Variants in DNAH11 observed in about 807,000 individuals in gnomAD.
DNAH11 encodes the protein dynein axonemal heavy chain 11, also known as axonemal beta dynein heavy chain 11.
Under a neutral mutation model 526.0 loss-of-function variants are expected in DNAH11, and 442 were observed. The ratio of observed to expected loss-of-function variants is 0.84; its 90% CI spans 0.78 to 0.91. The LOEUF (loss-of-function observed/expected upper bound fraction) is 0.91, where lower values mean the gene tolerates loss of function less well. Among genes scored for constraint, DNAH11 ranks in the 40% least tolerant of loss-of-function variants. The pLI is 0.00. For synonymous variants in DNAH11, 2,461 were observed against 1,935.9 expected, an observed-to-expected ratio of 1.27 and a Z score of -7.12; for missense variants, 6,989 against 5,448.7, an observed-to-expected ratio of 1.28 and a Z score of -8.90.
In DNAH11 at chr7:21,639,072, T is replaced by C. The variant is rs1787002901; in HGVS notation, c.4944+7T>C. ...AGGAGCTCAGCCTAAACAGGTAATA[T>C]TTTTTTTGAAAGTCTCGTATTATAC... On this transcript the variant is annotated splice_region_variant and intron_variant, in intron 28 of 81. Coordinates refer to ENST00000409508, the MANE Select transcript of DNAH11 (RefSeq NM_001277115.2). The C allele has an allele frequency of 2.5e-6, 4 of 1,578,748 alleles. No individual in the cohort carries two copies. Among genetic ancestry groups the C allele is most frequent in the Non-Finnish European group, 3.4e-6 (4 of 1,162,388 alleles).
intron 62 of DNAH11, among the ~76,000 whole-genome samples, chr7:21,805,629 C>T (rs796117975): frequency 2.4e-4 from 37 of 152,260 alleles, no homozygotes; most frequent in African/African-American, 7.5e-4. Context: ...TATAATTAGA[C>T]TGTTTTCCGG....
chr7:21,543,623 GC>G, intron 1 of DNAH11, 27 bp downstream of exon 1: 1 of 1,560,510 alleles, frequency 6.4e-7, no homozygotes. Flanking sequence ...AAGGGGACCT[GC>G]CCATCCAACA....
chr7:21,637,868 A>G (rs1786941585), intron 27 of DNAH11, among the ~76,000 whole-genome samples, 166 bp downstream of exon 27: 1 of 152,162 alleles, frequency 6.6e-6, no homozygotes, highest in African/African-American at 2.4e-5. Context: ...GACATGGAAC[A>G]TATATATAGT....
Position 21,543,240 on chromosome 7 carries a change from T to G in DNAH11, c.-6T>G. ...CCGGCCTCGCGTTCCCTCGGACGGTTGCCCAATGGCAGCCCAGGTGGCAGC... is the reference window on the plus strand; with the variant it reads ...CCGGCCTCGCGTTCCCTCGGACGGTGGCCCAATGGCAGCCCAGGTGGCAGC... On this transcript the variant is annotated 5_prime_UTR_variant, in exon 1 of 82. Transcript: ENST00000409508. 1 of 1,526,886 alleles carries G rather than the reference T, an allele frequency of 6.5e-7. No homozygotes were observed. Among genetic ancestry groups the G allele is most frequent in the Non-Finnish European group, 8.8e-7 (1 of 1,136,638 alleles). The allele number at this position is 1,526,886 out of a possible 1,614,324, so 94.6% of individuals were successfully genotyped here.
chr7:21,574,036 T>A (rs1447942589), intron 8 of DNAH11, among the ~76,000 whole-genome samples: 1 of 152,238 alleles, frequency 6.6e-6, no homozygotes, highest in Non-Finnish European at 1.5e-5. Context: ...GGGGATTTTA[T>A]CAGGTGTGCC....
chr7:21,564,238 C>T lies in DNAH11; in HGVS notation c.1035C>T (p.His345=), dbSNP rs139391790. Residue 345 remains histidine, a synonymous_variant, in exon 6 of 82, where the codon CAC becomes CAT. Transcript: ENST00000409508. ...VELYLRPLRR[H]IQCLQETEFP... ...TTTACCTGAGACCTCTGAGGAGACA[C>T]ATCCAGTGTCTCCAGGAGACGGAAT... The T allele has an allele frequency of 4.6e-5, 75 of 1,613,120 alleles. 1 individual carries two copies. The East Asian group carries it at 1.6e-3, about 35-fold the overall frequency.
In DNAH11 at chr7:21,836,627, A is replaced by G. The variant is rs573702743; in HGVS notation, c.10692-5917A>G. Among the ~76,000 whole-genome samples the G allele has an allele frequency of 4.6e-5, 7 of 152,188 alleles. No homozygotes were observed. The East Asian group carries it at 1.3e-3, about 29-fold the overall frequency. On this transcript the variant is annotated intron_variant, in intron 65 of 81. Transcript: ENST00000409508. ...TGAAAGACTTAAATGTAATACCTGAAACTATAAAACTACTAGAAGAAAACA... is the reference window on the plus strand; with the variant it reads ...TGAAAGACTTAAATGTAATACCTGAGACTATAAAACTACTAGAAGAAAACA...
intron 54 of DNAH11, among the ~76,000 whole-genome samples, chr7:21,752,711 ATTTAC>A (rs927302382): frequency 1.7e-4 from 26 of 151,474 alleles, no homozygotes; most frequent in African/African-American, 6.1e-4. Flanking sequence ...ATTTTTATTT[ATTTAC>A]TTATTTATCT....
intron 13 of DNAH11, 46 bp downstream of exon 13, chr7:21,591,068 T>C (rs1784658325): frequency 7.3e-7 from 1 of 1,378,696 alleles, no homozygotes; most frequent in Non-Finnish European, 9.5e-7. Flanking sequence ...CTATTATGAA[T>C]ATAAATATTT....
At chr7:21,849,588 A>G (rs76688711) in intron 66 of DNAH11, among the ~76,000 whole-genome samples, 3,058 of 152,318 alleles carry the variant, frequency 0.02, 120 homozygotes, top group African/African-American at 0.069. Flanking sequence ...ATAAGATACA[A>G]AATTATTTGT....
chr7:21,561,850 AATAG>A (rs1783471929), intron 5 of DNAH11, among the ~76,000 whole-genome samples: 2 of 152,236 alleles, frequency 1.3e-5, no homozygotes, highest in Non-Finnish European at 2.9e-5. Context: ...TAAATAATAA[AATAG>A]ATAATATGGA....
At chr7:21,731,599 A>C (rs1358337600) in intron 45 of DNAH11, among the ~76,000 whole-genome samples, 1 of 152,226 alleles carries the variant, frequency 6.6e-6, no homozygotes, top group Non-Finnish European at 1.5e-5. Context: ...AAGTTCAAAC[A>C]AAAAAGCAAA....
At chr7:21,786,389 T>C (rs978331675) in intron 58 of DNAH11, among the ~76,000 whole-genome samples, 4 of 152,100 alleles carry the variant, frequency 2.6e-5, no homozygotes, top group Non-Finnish European at 4.4e-5. Context: ...AGATCATTTT[T>C]CTTGAAGGCA....
At chr7:21,607,995 T>C in intron 20 of DNAH11, among the ~76,000 whole-genome samples, 1 of 150,232 alleles carries the variant, frequency 6.7e-6, no homozygotes. Context: ...TGCAGATTTC[T>C]GTTAGTAAGT....
At chr7:21,732,594 T>G (rs1159937229) in intron 45 of DNAH11, among the ~76,000 whole-genome samples, 1 of 152,114 alleles carries the variant, frequency 6.6e-6, no homozygotes, top group Non-Finnish European at 1.5e-5. Context: ...ACATAGAAAT[T>G]TGAGGAGGAG....
intron 25 of DNAH11, among the ~76,000 whole-genome samples, chr7:21,632,556 A>G (rs1238225905): frequency 6.6e-6 from 1 of 152,174 alleles, no homozygotes; most frequent in Admixed American, 6.5e-5. Context: ...CTGTCAAGTT[A>G]AAAGTGCCAA....
chr7:21,616,442 CCAGTTGCACTTCTAATCAAG>C, intron 22 of DNAH11, 150 bp downstream of exon 22: 1 of 560,722 alleles, frequency 1.8e-6, no homozygotes, highest in Non-Finnish European at 3.1e-6. Context: ...TCACCCTTAG[CCAGTTGCACTTCTAATCAAG>C]CCTGTCTTTC....
At position 21,869,022 on chromosome 7, in the gene DNAH11, G is replaced by A. The variant is rs747011699; in HGVS notation, c.11967+31G>A. The A allele has an allele frequency of 1.9e-6, 3 of 1,612,970 alleles. No homozygotes were observed. In the South Asian group the frequency reaches 3.3e-5, roughly 18 times the overall value. ...TATTAAGTTTCAGGGAAGACACTGG[G>A]CATAAACACAGAGGAGGGCCAGGGC... On this transcript the variant is annotated intron_variant, in intron 73 of 81. Transcript: ENST00000409508.
chr7:21,598,129 A>G (rs1307784261), intron 14 of DNAH11, among the ~76,000 whole-genome samples: 2 of 152,206 alleles, frequency 1.3e-5, no homozygotes, highest in African/African-American at 4.8e-5. Context: ...TCATATATCC[A>G]TAGTAAAGAA....
Sources: allele counts gnomAD v4.1 joint callset (sites outside exome capture counted in the v4.1 genomes callset), GRCh38; gene constraint gnomAD v4.1.1; transcripts MANE v1.5; gene names NCBI Gene and HGNC (gene_info 2026-07-23, HGNC 2026-07-21).